The following ZNF722 variants were observed in gnomAD, a reference collection of about 807,000 sequenced individuals.
The protein encoded by ZNF722 is zinc finger protein 479 pseudogene.
chr7:64,016,188 CA>C, the ZNF722 span: 1 of 296,080 alleles, frequency 3.4e-6, no homozygotes, highest in Non-Finnish European at 6.3e-6. Flanking sequence ...ACCCAGGCTG[CA>C]GTGCAGTGGC....
At chr7:64,015,139 T>C in the ZNF722 span, 1 of 1,430,230 alleles carries the variant, frequency 7.0e-7, no homozygotes, top group Non-Finnish European at 9.9e-7. Context: ...AATTTACAAT[T>C]TAAAAAATGC....
the ZNF722 span, among the ~76,000 whole-genome samples, chr7:64,002,808 T>A: frequency 6.6e-6 from 1 of 152,212 alleles, no homozygotes; most frequent in Non-Finnish European, 1.5e-5. Context: ...TCTTCTGTTG[T>A]CCCTGTAAAC....
chr7:64,009,863 A>G, the ZNF722 span, among the ~76,000 whole-genome samples: 2 of 152,122 alleles, frequency 1.3e-5, no homozygotes, highest in African/African-American at 2.4e-5. Flanking sequence ...CTGTGAATCC[A>G]TCTGGTCCTG....
chr7:64,006,224 G>A, the ZNF722 span: 3 of 1,258,740 alleles, frequency 2.4e-6, no homozygotes, highest in Non-Finnish European at 3.3e-6. Flanking sequence ...AATAAAACAG[G>A]TATTGCTGAC....
the ZNF722 span, chr7:63,998,862 C>A: frequency 7.4e-7 from 1 of 1,356,458 alleles, no homozygotes; most frequent in Non-Finnish European, 1.0e-6. Context: ...TTGTGCTTCT[C>A]TGCGTCCCGA....
At chr7:64,007,540 CT>C in the ZNF722 span, among the ~76,000 whole-genome samples, 502 of 152,210 alleles carry the variant, frequency 3.3e-3, 2 homozygotes, top group Non-Finnish European at 5.4e-3. Context: ...TGGTTTCCAG[CT>C]TCATCCGTGT....
the ZNF722 span, among the ~76,000 whole-genome samples, chr7:64,001,010 C>T: frequency 6.6e-6 from 1 of 152,122 alleles, no homozygotes; most frequent in Non-Finnish European, 1.5e-5. Flanking sequence ...CTTTTGGCCT[C>T]AGGTGATCTG....
At chr7:64,015,262 T>G in the ZNF722 span, 10 of 1,212,702 alleles carry the variant, frequency 8.2e-6, no homozygotes, top group Non-Finnish European at 1.2e-5. Context: ...GTCATAGTCT[T>G]TGGTAAATTT....
At chr7:64,008,401 A>G in the ZNF722 span, among the ~76,000 whole-genome samples, 1 of 152,182 alleles carries the variant, frequency 6.6e-6, no homozygotes, top group African/African-American at 2.4e-5. Flanking sequence ...TCTTTAATCA[A>G]TCTTGAATTA....
At chr7:64,012,468 T>C in the ZNF722 span, among the ~76,000 whole-genome samples, 1 of 152,188 alleles carries the variant, frequency 6.6e-6, no homozygotes, top group South Asian at 2.1e-4. Context: ...GGTGTGGTTG[T>C]CCTTTTTGTT....
chr7:64,015,907 A>G, the ZNF722 span: 78 of 1,529,504 alleles, frequency 5.1e-5, no homozygotes, highest in Non-Finnish European at 6.9e-5. Context: ...GAGAAACCCT[A>G]CAAAAGTAAA....
chr7:64,005,485 G>T, the ZNF722 span: 1 of 590,738 alleles, frequency 1.7e-6, no homozygotes, highest in Non-Finnish European at 3.0e-6. Context: ...ATTTTAGTCA[G>T]TCTTATAAGT....
chr7:64,009,214 T>G, the ZNF722 span, among the ~76,000 whole-genome samples: 1 of 152,336 alleles, frequency 6.6e-6, no homozygotes, highest in South Asian at 2.1e-4. Flanking sequence ...ACTTCTTCTT[T>G]TCCTAATTGA....
At chr7:64,004,455 T>TATATATAA in the ZNF722 span, among the ~76,000 whole-genome samples, 6 of 132,614 alleles carry the variant, frequency 4.5e-5, no homozygotes, top group Admixed American at 7.6e-5. Context: ...TATATATATA[T>TATATATAA]AAAATTAAAT....
the ZNF722 span, among the ~76,000 whole-genome samples, chr7:64,012,423 G>C: frequency 2.0e-5 from 3 of 152,104 alleles, no homozygotes; most frequent in South Asian, 6.2e-4. Context: ...ATCTACCTTT[G>C]GTGTTTGATG....
chr7:64,010,674 A>T, the ZNF722 span, among the ~76,000 whole-genome samples: 122 of 152,176 alleles, frequency 8.0e-4, 1 homozygote, highest in Middle Eastern at 3.4e-3. Context: ...TATGTGGTGA[A>T]TTTTTGGAAT....
chr7:64,016,161 T>C, the ZNF722 span: 1 of 369,576 alleles, frequency 2.7e-6, no homozygotes, highest in Admixed American at 4.3e-5. Context: ...TTTTTTGAGA[T>C]GGTATCTCCC....
the ZNF722 span, among the ~76,000 whole-genome samples, chr7:64,016,553 A>C: frequency 1.3e-5 from 2 of 152,340 alleles, no homozygotes; most frequent in Middle Eastern, 3.4e-3. Flanking sequence ...GCTTTTAACT[A>C]GTCTTGAACC....
chr7:64,006,160 ATAC>A, the ZNF722 span: 2 of 889,000 alleles, frequency 2.2e-6, no homozygotes, highest in Non-Finnish European at 3.3e-6. Flanking sequence ...ACTAACCATA[ATAC>A]TAGTTTGGTA....
Sources: allele counts gnomAD v4.1 joint callset (sites outside exome capture counted in the v4.1 genomes callset), GRCh38; gene constraint gnomAD v4.1.1; transcripts MANE v1.5; gene names NCBI Gene and HGNC (gene_info 2026-07-23, HGNC 2026-07-21).